SLC25A36: variants seen among roughly 807,000 people sequenced by gnomAD.
SLC25A36 encodes epididymis secretory sperm binding protein.
A neutral mutation model predicts 35.3 loss-of-function variants in SLC25A36; 24 were observed. That is an observed-to-expected ratio of 0.68 (90% confidence interval 0.49 to 0.96). The LOEUF (loss-of-function observed/expected upper bound fraction) is 0.96, where lower values mean the gene tolerates loss of function less well. Ranked by LOEUF, SLC25A36 falls within the 40% of genes least tolerant of loss-of-function variation. The probability of loss-of-function intolerance (pLI) is 0.00; values close to 1 mark genes in which losing one functional copy is unlikely to be tolerated. For synonymous variants in SLC25A36, 141 were observed against 132.2 expected (o/e 1.07, Z -0.46); for missense variants, 294 against 381.1 (o/e 0.77, Z 1.90).
chr3:140,942,126 G>T, intron 1 of SLC25A36, 31 bp downstream of exon 1: 2 of 1,069,532 alleles, frequency 1.9e-6, no homozygotes, highest in South Asian at 1.7e-5. Context: ...GCGCACTGGG[G>T]CTGAGGGTGC....
intron 1 of SLC25A36, among the ~76,000 whole-genome samples, chr3:140,953,806 A>C (rs1934402036): frequency 6.6e-6 from 1 of 152,074 alleles, no homozygotes; most frequent in South Asian, 2.1e-4. Context: ...AAAAATTTTA[A>C]AAAATTTAAA....
At chr3:140,951,221 TAGAC>T (rs1207718441) in intron 1 of SLC25A36, among the ~76,000 whole-genome samples, 1 of 152,170 alleles carries the variant, frequency 6.6e-6, no homozygotes, top group Non-Finnish European at 1.5e-5. Flanking sequence ...CATATTCCTT[TAGAC>T]AGTGAGATTT....
chr3:140,959,376 G>T, intron 2 of SLC25A36, 87 bp from the exon 3 acceptor site: 1 of 769,366 alleles, frequency 1.3e-6, no homozygotes. Flanking sequence ...AAATGTACTG[G>T]ATTTAGACTC....
At chr3:140,959,105 T>G (rs964939508) in intron 2 of SLC25A36, among the ~76,000 whole-genome samples, 1 of 150,364 alleles carries the variant, frequency 6.7e-6, no homozygotes, top group Non-Finnish European at 1.5e-5. Context: ...AATCTCCGCC[T>G]TCCAAATTCA....
In SLC25A36 at chr3:140,945,859, G is replaced by A. The variant is rs1360752577; in HGVS notation, c.41+3764G>A. Among the ~76,000 whole-genome samples the A allele has an allele frequency of 1.3e-5, 2 of 152,102 alleles. 1 individual carries two copies. Among genetic ancestry groups the A allele is most frequent in the Admixed American group, 1.3e-4 (2 of 15,268 alleles). ...TTTAATATTTTGTGTGACAAAATGG[G>A]AAATAGACATGAAGTAACTGTATGC... On this transcript the variant is annotated intron_variant, in intron 1 of 6. Transcript: ENST00000324194.
At position 140,961,853 on chromosome 3, in the gene SLC25A36, C is replaced by T. The variant is rs185313895; in HGVS notation, c.285-1274C>T. Among the ~76,000 whole-genome samples, 170 of 59,588 alleles carry T rather than the reference C, an allele frequency of 2.9e-3. 1 individual carries two copies. In the East Asian group the frequency reaches 0.037, roughly 13 times the overall value. The allele number at this position is 59,588 out of a possible 152,430, so 39.1% of individuals were successfully genotyped here. A position where few individuals can be genotyped will look rare whatever the true frequency, so the allele number is the denominator to read the frequency against. On this transcript the variant is annotated intron_variant, in intron 3 of 6. Coordinates refer to ENST00000324194, the MANE Select transcript of SLC25A36 (RefSeq NM_001104647.3). ...CCTGGGCAAAAGAGCGAGGCTCCGT[C>T]TCAAAAAAAAAAAAAAAAAAAAAAA...
chr3:140,968,816 T>A, intron 4 of SLC25A36: 1 of 569,410 alleles, frequency 1.8e-6, no homozygotes, highest in Non-Finnish European at 2.2e-6. Flanking sequence ...TTCAAATAAG[T>A]ATAATAAGAT....
chr3:140,962,984 G>C (rs1934668479), intron 3 of SLC25A36, 143 bp from the exon 4 acceptor site: 1 of 468,704 alleles, frequency 2.1e-6, no homozygotes, highest in African/African-American at 2.1e-5. Flanking sequence ...TTTATGAAAA[G>C]TGTAAATCTA....
intron 1 of SLC25A36, among the ~76,000 whole-genome samples, chr3:140,955,168 CAT>C (rs1473762880): frequency 1.3e-5 from 2 of 152,020 alleles, no homozygotes; most frequent in African/African-American, 4.8e-5. Context: ...ACCAATATGA[CAT>C]ATTTTTATCT....
chr3:140,952,924 G>T (rs974517935), intron 1 of SLC25A36, among the ~76,000 whole-genome samples: 6 of 152,244 alleles, frequency 3.9e-5, no homozygotes, highest in African/African-American at 1.4e-4. Flanking sequence ...ACATGTACAT[G>T]TTTATTATAG....
intron 1 of SLC25A36, among the ~76,000 whole-genome samples, chr3:140,954,089 G>C (rs1237891008): frequency 6.6e-6 from 1 of 152,146 alleles, no homozygotes. Flanking sequence ...TCTCATTTCT[G>C]TTCCTCTCAT....
intron 3 of SLC25A36, among the ~76,000 whole-genome samples, chr3:140,962,444 T>G (rs957532595): frequency 3.3e-5 from 5 of 152,186 alleles, no homozygotes; most frequent in African/African-American, 1.2e-4. Context: ...GGGAAATAAT[T>G]AAATTTCACT....
intron 4 of SLC25A36, chr3:140,965,171 T>C (rs1268458661): frequency 1.3e-5 from 2 of 151,882 alleles, no homozygotes; most frequent in African/African-American, 2.4e-5. Flanking sequence ...TTTGCAGTTT[T>C]ATACATAACT....
chr3:140,959,628 T>G, intron 3 of SLC25A36, 88 bp downstream of exon 3: 1 of 539,944 alleles, frequency 1.9e-6, no homozygotes, highest in Non-Finnish European at 3.1e-6. Context: ...TAGATACAGT[T>G]AAATTTATAA....
At chr3:140,943,235 C>A (rs1488323281) in intron 1 of SLC25A36, among the ~76,000 whole-genome samples, 1 of 152,148 alleles carries the variant, frequency 6.6e-6, no homozygotes. Context: ...GTTTTTAGAT[C>A]GACTTTTAAG....
intron 2 of SLC25A36, among the ~76,000 whole-genome samples, chr3:140,958,420 T>G (rs886980406): frequency 4.6e-5 from 7 of 152,244 alleles, no homozygotes; most frequent in African/African-American, 1.7e-4. Context: ...GTCTGTTAAT[T>G]TATTTGTTTT....
rs1053745211 is a variant in SLC25A36 at position 140,978,262 on chromosome 3, G to A, written c.*1809G>A. The A allele has an allele frequency of 6.6e-6, 1 of 152,068 alleles. No individual in the cohort carries two copies. The highest frequency in any genetic ancestry group is 6.6e-5 in the Admixed American group (1 of 15,254). 9.4% of individuals were successfully genotyped at this position (152,068 alleles called of 1,614,324 possible). ...GGCAAAATCAGTTTTCTTACCTTTGGAATTATTCGTACCTTTTATGGTAAA... is the reference window on the plus strand; with the variant it reads ...GGCAAAATCAGTTTTCTTACCTTTGAAATTATTCGTACCTTTTATGGTAAA... On this transcript the variant is annotated 3_prime_UTR_variant, in exon 7 of 7. Coordinates refer to ENST00000324194, the MANE Select transcript of SLC25A36 (RefSeq NM_001104647.3).
chr3:140,973,859 G>C lies in SLC25A36; in HGVS notation c.596G>C (p.Ser199Thr). Residue 199 changes from serine (S) to threonine (T), a missense_variant, in exon 6 of 7, where the codon AGT (serine) becomes ACT (threonine). Ser to Thr is a moderately conservative substitution (Grantham distance 58, BLOSUM62 1). Transcript: ENST00000324194. The part of the protein sequence containing the change: ...ETVIHFVIYE[S>T]IKQKLLEYKT... ...GTTATCCATTTTGTTATTTATGAAA[G>C]TATAAAACAAAAACTACTGGAATAT... is the stretch of plus-strand genomic sequence containing the variant. The C allele has an allele frequency of 6.2e-7, 1 of 1,613,358 alleles. No homozygotes were observed. The highest frequency in any genetic ancestry group is 8.5e-7 in the Non-Finnish European group (1 of 1,179,636).
intron 1 of SLC25A36, among the ~76,000 whole-genome samples, chr3:140,953,405 G>C (rs777973350): frequency 3.5e-5 from 5 of 144,548 alleles, no homozygotes; most frequent in East Asian, 2.2e-4. Flanking sequence ...TTGGGGGGGG[G>C]GTTAAATTTT....
Sources: gnomAD v4.1 joint callset for allele counts (sites outside exome capture counted in the v4.1 genomes callset) on GRCh38, gnomAD v4.1.1 for gene constraint, MANE v1.5 for transcripts, NCBI Gene and HGNC (gene_info 2026-07-23, HGNC 2026-07-21) for gene names.